CLSTN2: variants seen among roughly 807,000 people sequenced by gnomAD.
CLSTN2 encodes the protein calsyntenin 2.
In CLSTN2, 48 loss-of-function variants were observed where a neutral mutation model predicts 101.2. The observed-to-expected ratio is 0.47, with a 90% CI of 0.38 to 0.60. The LOEUF (loss-of-function observed/expected upper bound fraction) is 0.60, where lower values mean the gene tolerates loss of function less well. Ranked by LOEUF, CLSTN2 falls within the 20% of genes least tolerant of loss-of-function variation. The pLI, the probability that CLSTN2 is intolerant of heterozygous loss-of-function variation, is 0.00. For synonymous variants in CLSTN2, 481 were observed against 463.6 expected (o/e 1.04, Z -0.48); for missense variants, 1,160 against 1,238.2 (o/e 0.94, Z 0.95).
In CLSTN2 at chr3:140,344,048, T is replaced by C. The variant is rs569852340; in HGVS notation, c.233-59581T>C. 5.9e-5 allele frequency among the ~76,000 whole-genome samples: 9 copies of C among 152,346 alleles called. No homozygotes were observed. In the South Asian group the frequency reaches 1.0e-3, roughly 18 times the overall value. On this transcript the variant is annotated intron_variant, in intron 2 of 16. Coordinates refer to ENST00000458420, the MANE Select transcript of CLSTN2 (RefSeq NM_022131.3). ...TTCTGTTTGTTCCAGTTGGCTATAA[T>C]TGGCAGCTTGTTTCTTCTCCAGCGT...
chr3:140,242,408 C>T (rs1005043717), intron 2 of CLSTN2, among the ~76,000 whole-genome samples: 5 of 152,066 alleles, frequency 3.3e-5, no homozygotes, highest in Admixed American at 6.6e-5. Flanking sequence ...GAAAAGGTGG[C>T]CCTAAGTCTT....
At chr3:140,266,709 T>C (rs1473203921) in intron 2 of CLSTN2, among the ~76,000 whole-genome samples, 2 of 152,204 alleles carry the variant, frequency 1.3e-5, no homozygotes, top group African/African-American at 2.4e-5. Context: ...AGAAAAACTA[T>C]TGTTGGACTA....
chr3:140,474,841 ATCACCCCTAGGAGCACCCC>A (rs1933942668), intron 8 of CLSTN2, among the ~76,000 whole-genome samples: 1 of 152,076 alleles, frequency 6.6e-6, no homozygotes, highest in African/African-American at 2.4e-5. Flanking sequence ...CAGCAGTGTT[ATCACCCCTAGGAGCACCCC>A]TCACCCAAAG....
At chr3:140,447,685 A>C (rs189586274) in intron 5 of CLSTN2, among the ~76,000 whole-genome samples, 5 of 152,230 alleles carry the variant, frequency 3.3e-5, no homozygotes, top group Non-Finnish European at 5.9e-5. Flanking sequence ...AGATCCTTGA[A>C]CAACCATGCT....
At chr3:140,062,209 C>T (rs370518880) in intron 1 of CLSTN2, among the ~76,000 whole-genome samples, 1 of 152,022 alleles carries the variant, frequency 6.6e-6, no homozygotes, top group Non-Finnish European at 1.5e-5. Context: ...GTCAGTCCTC[C>T]CTAAACATGT....
At chr3:140,479,750 A>G (rs550184028) in intron 8 of CLSTN2, among the ~76,000 whole-genome samples, 78 of 152,296 alleles carry the variant, frequency 5.1e-4, no homozygotes, top group African/African-American at 1.8e-3. Context: ...GAGAGCCTCA[A>G]AAGTACCAAA....
intron 8 of CLSTN2, among the ~76,000 whole-genome samples, chr3:140,487,454 G>T (rs1934261360): frequency 6.6e-6 from 1 of 152,184 alleles, no homozygotes; most frequent in Non-Finnish European, 1.5e-5. Flanking sequence ...ACCATAGTTT[G>T]ACCTCCCCTT....
chr3:140,400,036 T>C (rs999333387), intron 2 of CLSTN2, among the ~76,000 whole-genome samples: 2 of 152,102 alleles, frequency 1.3e-5, no homozygotes, highest in Non-Finnish European at 2.9e-5. Flanking sequence ...GTGTAAGTGA[T>C]TGGCTAATAC....
At chr3:140,325,736 C>G (rs3925729) in intron 2 of CLSTN2, among the ~76,000 whole-genome samples, 71,402 of 151,970 alleles carry the variant, frequency 0.47, 17,895 homozygotes, top group Non-Finnish European at 0.57. Flanking sequence ...TCCTTCCTTT[C>G]TTCTCCTCTA....
chr3:140,577,387 TTC>T lies in CLSTN2; in HGVS notation c.*11135_*11136del, dbSNP rs1446188213. On this transcript the variant is annotated 3_prime_UTR_variant, in exon 17 of 17. Transcript: ENST00000458420. ...TGGTGAATAAATATGATTTTAGAATTTCACAGTAAAGATGACCTCTGAGAGTT... is the reference window on the plus strand; with the variant it reads ...TGGTGAATAAATATGATTTTAGAATTACAGTAAAGATGACCTCTGAGAGTT... 6.6e-6 allele frequency: 1 copy of T among 152,176 alleles called. No individual in the cohort carries two copies. The highest frequency in any genetic ancestry group is 2.4e-5 in the African/African-American group (1 of 41,440). 9.4% of individuals were successfully genotyped at this position (152,176 alleles called of 1,614,324 possible).
chr3:140,085,956 A>G (rs767841205), intron 1 of CLSTN2, among the ~76,000 whole-genome samples: 2 of 152,174 alleles, frequency 1.3e-5, no homozygotes, highest in Non-Finnish European at 2.9e-5. Flanking sequence ...CAACTCCTGG[A>G]GACTCCCTTC....
At position 140,562,224 on chromosome 3, in the gene CLSTN2, C is replaced by T. The variant is rs1380222250; in HGVS notation, c.2128C>T (p.Gln710Ter). The change falls in exon 13 of 17, where the codon CAG becomes TAG. Residue 710 changes from glutamine to a stop codon, truncating the protein, a stop_gained. Coordinates refer to ENST00000458420, the MANE Select transcript of CLSTN2 (RefSeq NM_022131.3). LOFTEE classifies it high-confidence loss of function. The stretch of plus-strand genomic sequence containing the variant: ...GATCGGAGGGGACTTGGACCCAAGG[C>T]AGGAGTGCTTGGAGCTCAACCACAG... ...LVIGGDLDPR[Q>*]ECLELNHSEL... 1 of 1,613,776 alleles carries T rather than the reference C, an allele frequency of 6.2e-7. No individual in the cohort carries two copies. Among genetic ancestry groups the T allele is most frequent in the Non-Finnish European group, 8.5e-7 (1 of 1,179,774 alleles).
chr3:140,124,989 T>C (rs1341489746), intron 1 of CLSTN2, among the ~76,000 whole-genome samples: 1 of 152,054 alleles, frequency 6.6e-6, no homozygotes, highest in Non-Finnish European at 1.5e-5. Context: ...GAGAAGGCAA[T>C]GTTTCAAGAG....
At chr3:140,105,905 G>A (rs1284194239) in intron 1 of CLSTN2, among the ~76,000 whole-genome samples, 1 of 152,200 alleles carries the variant, frequency 6.6e-6, no homozygotes, top group Non-Finnish European at 1.5e-5. Context: ...GACCTAAGAG[G>A]TGATGGGGCC....
intron 6 of CLSTN2, among the ~76,000 whole-genome samples, chr3:140,456,403 A>G (rs760417015): frequency 3.9e-5 from 6 of 152,210 alleles, no homozygotes; most frequent in Non-Finnish European, 8.8e-5. Context: ...ATGAGTAACT[A>G]AAAAGCATGT....
At chr3:140,132,395 T>A (rs1165118396) in intron 1 of CLSTN2, among the ~76,000 whole-genome samples, 1 of 152,170 alleles carries the variant, frequency 6.6e-6, no homozygotes. Flanking sequence ...GTAAACCAAC[T>A]TAGTCTCCCC....
rs2008496693 is a variant in CLSTN2 at position 140,076,633 on chromosome 3, T to TTTTTTG, written c.110-99313_110-99312insGTTTTT. ...CCCCTCTCACCAGCAGTGTTTTTTT[T>TTTTTTG]TTTTTTTTTTTTTTTTTTTTCCTAG... On this transcript the variant is annotated intron_variant, in intron 1 of 16. Coordinates refer to ENST00000458420, the MANE Select transcript of CLSTN2 (RefSeq NM_022131.3). 1.4e-5 allele frequency among the ~76,000 whole-genome samples: 2 copies of TTTTTTG among 139,222 alleles called. 1 individual carries two copies. Among genetic ancestry groups the TTTTTTG allele is most frequent in the Admixed American group, 1.4e-4 (2 of 13,824 alleles). The allele number at this position is 139,222 out of a possible 152,430, so 91.3% of individuals were successfully genotyped here.
intron 2 of CLSTN2, among the ~76,000 whole-genome samples, chr3:140,226,124 G>A (rs2086317785): frequency 1.3e-5 from 2 of 152,108 alleles, no homozygotes; most frequent in African/African-American, 2.4e-5. Flanking sequence ...AATCCCAAAA[G>A]CCTACATACA....
Position 140,477,909 on chromosome 3 carries a change from T to C in CLSTN2, c.1344+11178T>C, listed in dbSNP as rs1934022162. Among the ~76,000 whole-genome samples the C allele has an allele frequency of 1.3e-5, 2 of 152,210 alleles. 1 individual carries two copies. The highest frequency in any genetic ancestry group is 4.1e-4 in the South Asian group (2 of 4,836). On this transcript the variant is annotated intron_variant, in intron 8 of 16. Transcript: ENST00000458420. ...CAGAAGAATAAAACACACTGTGTCA[T>C]AGGCAGGGAAGTCATTCCCACTATC...
Sources: allele counts gnomAD v4.1 joint callset (sites outside exome capture counted in the v4.1 genomes callset), GRCh38; gene constraint gnomAD v4.1.1; transcripts MANE v1.5; gene names NCBI Gene and HGNC (gene_info 2026-07-23, HGNC 2026-07-21).